KATNA1: variants seen among roughly 807,000 people sequenced by gnomAD.
The protein encoded by KATNA1 is katanin p60 ATPase-containing subunit A1.
In KATNA1, 42 loss-of-function variants were observed where a neutral mutation model predicts 62.6. That is an observed-to-expected ratio of 0.67 (90% confidence interval 0.52 to 0.87). The LOEUF (loss-of-function observed/expected upper bound fraction) is 0.87. KATNA1 is among the 40% of genes least tolerant of loss of function. The pLI, the probability that KATNA1 is intolerant of heterozygous loss-of-function variation, is 0.00. For missense variants in KATNA1, 498 were observed against 612.5 expected (o/e 0.81, Z 1.97); for synonymous variants, 186 against 201.9 (o/e 0.92, Z 0.67).
intron 1 of KATNA1, 45 bp from the exon 2 acceptor site, chr6:149,638,605 T>C (rs1448486216): frequency 7.3e-6 from 10 of 1,361,720 alleles, no homozygotes; most frequent in South Asian, 1.3e-5. Flanking sequence ...TTTACATGTC[T>C]CTTAAAAATA....
intron 7 of KATNA1, among the ~76,000 whole-genome samples, chr6:149,598,633 AT>A (rs1167544565): frequency 6.6e-6 from 1 of 151,978 alleles, no homozygotes; most frequent in Non-Finnish European, 1.5e-5. Flanking sequence ...AGGTGAGAGG[AT>A]CCCTTGAGCC....
rs147213076 is a variant in KATNA1, at chr6:149,602,883, G to A, written c.729+385C>T. 2.2e-4 allele frequency among the ~76,000 whole-genome samples: 33 copies of A among 152,030 alleles called. No individual in the cohort carries two copies. The East Asian group carries it at 6.0e-3, about 28-fold the overall frequency. ...ATTACAGGCACGCACAACCACGCCC[G>A]GCTAGTTTTGTATTTTTAGTAGAGA... On this transcript the variant is annotated intron_variant, in intron 6 of 10. Coordinates refer to ENST00000367411, the MANE Select transcript of KATNA1 (RefSeq NM_007044.4).
chr6:149,620,715 G>T (rs1239910426), intron 4 of KATNA1, among the ~76,000 whole-genome samples: 1 of 152,156 alleles, frequency 6.6e-6, no homozygotes, highest in Non-Finnish European at 1.5e-5. Context: ...TAATTACTCT[G>T]ATTTGATCAT....
At chr6:149,631,118 G>C (rs1295483250) in intron 3 of KATNA1, among the ~76,000 whole-genome samples, 1 of 152,140 alleles carries the variant, frequency 6.6e-6, no homozygotes, top group Non-Finnish European at 1.5e-5. Flanking sequence ...AATACAACCA[G>C]GCCGGGTGTG....
chr6:149,602,075 T>TA (rs761720508), intron 6 of KATNA1, among the ~76,000 whole-genome samples: 46 of 152,300 alleles, frequency 3.0e-4, no homozygotes, highest in Admixed American at 5.2e-4. Context: ...TTTAAAAATA[T>TA]AACTTATTCG....
intron 10 of KATNA1, among the ~76,000 whole-genome samples, chr6:149,596,615 C>G (rs1778323311): frequency 6.6e-6 from 1 of 151,996 alleles, no homozygotes. Flanking sequence ...GCTTTGTCGC[C>G]CAGGCTGGGG....
At chr6:149,615,251 TG>T (rs1779126921) in intron 4 of KATNA1, among the ~76,000 whole-genome samples, 1 of 150,234 alleles carries the variant, frequency 6.7e-6, no homozygotes, top group African/African-American at 2.4e-5. Context: ...TCGTCCAGGC[TG>T]GGGGTGCAAT....
intron 1 of KATNA1, among the ~76,000 whole-genome samples, 200 bp from the exon 2 acceptor site, chr6:149,638,760 G>A (rs540003694): frequency 8.5e-4 from 96 of 112,878 alleles, no homozygotes; most frequent in African/African-American, 3.1e-3. Context: ...TTTTTGAGAC[G>A]GAGTCTCGCT....
At position 149,597,508 on chromosome 6, in the gene KATNA1, T is replaced by C; in HGVS notation, c.1149A>G (p.Ser383=). The C allele has an allele frequency of 6.2e-7, 1 of 1,613,820 alleles. No individual in the cohort carries two copies. Among genetic ancestry groups the C allele is most frequent in the South Asian group, 1.1e-5 (1 of 90,958 alleles). ...CTGACAAGATTGAAAGGAAGATACCTGACGGCAAAGGAATATAGATTCGTT... is the reference window on the plus strand; with the variant it reads ...CTGACAAGATTGAAAGGAAGATACCCGACGGCAAAGGAATATAGATTCGTT... ...LEKRIYIPLP[S]AKGREELLRI... The change falls in exon 9 of 11, where the codon TCA becomes TCG. Residue 383 remains serine, a splice_region_variant and synonymous_variant. Coordinates refer to ENST00000367411, the MANE Select transcript of KATNA1 (RefSeq NM_007044.4).
At chr6:149,599,785 G>A (rs1203842063) in intron 7 of KATNA1, among the ~76,000 whole-genome samples, 6 of 151,914 alleles carry the variant, frequency 3.9e-5, no homozygotes, top group South Asian at 2.1e-4. Flanking sequence ...CCCAAAGTGC[G>A]GGGATTACAG....
At position 149,595,117 on chromosome 6, in the gene KATNA1, A is replaced by G; in HGVS notation, c.1395T>C (p.Ala465=). The G allele has an allele frequency of 6.2e-7, 1 of 1,614,120 alleles. No homozygotes were observed. Among genetic ancestry groups the G allele is most frequent in the Non-Finnish European group, 8.5e-7 (1 of 1,179,978 alleles). Reference sequence around the variant, plus strand: ...ACACTGACTTAGAAACCTTTTTTAAAGCCATCTCGAAATCCTCCATAGTTG... The same window carrying G: ...ACACTGACTTAGAAACCTTTTTTAAGGCCATCTCGAAATCCTCCATAGTTG... ...MPTTMEDFEM[A]LKKVSKSVSA... The change falls in exon 11 of 11, where the codon GCT becomes GCC. Residue 465 remains alanine (A), a synonymous_variant. Transcript: ENST00000367411.
In KATNA1 at chr6:149,599,268, T is replaced by C. The variant is rs78110786; in HGVS notation, c.889-918A>G. 6.0e-3 allele frequency among the ~76,000 whole-genome samples: 909 copies of C among 151,618 alleles called. 9 individuals are homozygous for C. The highest frequency in any genetic ancestry group is 0.021 in the African/African-American group (871 of 41,338). On this transcript the variant is annotated intron_variant, in intron 7 of 10. Transcript: ENST00000367411. The stretch of plus-strand genomic sequence containing the variant: ...GGGAAAGAGTGAACTTCATCATCAT[T>C]AAAACATCCAAGAAAATTCTCAACT...
chr6:149,604,788 T>C lies in KATNA1; in HGVS notation c.502-6A>G. 4 of 1,607,496 alleles carry C rather than the reference T, an allele frequency of 2.5e-6. No homozygotes were observed. The Admixed American group carries it at 7.0e-5, about 28-fold the overall frequency. Reference sequence around the variant, plus strand: ...ACTGCAGCAGGTGATTTGTTCTACATGAAGAGAAAAAAACAAGCGCTTTTG... The same window carrying C: ...ACTGCAGCAGGTGATTTGTTCTACACGAAGAGAAAAAAACAAGCGCTTTTG... On this transcript the variant is annotated splice_polypyrimidine_tract_variant and splice_region_variant and intron_variant, in intron 4 of 10. Transcript: ENST00000367411.
At chr6:149,618,544 A>G (rs1779270102) in intron 4 of KATNA1, among the ~76,000 whole-genome samples, 1 of 152,218 alleles carries the variant, frequency 6.6e-6, no homozygotes, top group African/African-American at 2.4e-5. Flanking sequence ...ATCCTGAGCA[A>G]AAGGAACAAA....
chr6:149,638,612 A>G (rs1780156360), intron 1 of KATNA1, 52 bp from the exon 2 acceptor site: 1 of 1,294,202 alleles, frequency 7.7e-7, no homozygotes, highest in Non-Finnish European at 1.1e-6. Context: ...GTCTCTTAAA[A>G]ATAAGTATAG....
chr6:149,637,665 A>G (rs1156563690), intron 2 of KATNA1, among the ~76,000 whole-genome samples: 1 of 152,094 alleles, frequency 6.6e-6, no homozygotes, highest in Non-Finnish European at 1.5e-5. Context: ...CGTCTCTACC[A>G]AAAATACAAA....
intron 10 of KATNA1, among the ~76,000 whole-genome samples, chr6:149,595,754 C>T (rs745608539): frequency 5.9e-5 from 9 of 151,982 alleles, no homozygotes; most frequent in Non-Finnish European, 1.2e-4. Flanking sequence ...AAAGGGATAG[C>T]AATAGAGCTG....
In KATNA1 at chr6:149,601,707, C is replaced by T. The variant is rs758597565; in HGVS notation, c.775G>A (p.Ala259Thr). 2 of 1,611,956 alleles carry T rather than the reference C, an allele frequency of 1.2e-6. No homozygotes were observed. Among genetic ancestry groups the T allele is most frequent in the South Asian group, 2.2e-5 (2 of 90,622 alleles). ...GPPGTGKTLL[A>T]KAVATECKTT... is the part of the protein sequence containing the mutation. ...TTGCATTCTGTAGCTACTGCTTTAGCAAGGAGCGTCTTCCCCGTGCCAGGT... is the reference window on the plus strand; with the variant it reads ...TTGCATTCTGTAGCTACTGCTTTAGTAAGGAGCGTCTTCCCCGTGCCAGGT... Residue 259 changes from alanine (A) to threonine (T), a missense_variant, in exon 7 of 11, where the codon GCT becomes ACT. Around this residue, in one of 3 missense-constraint regions of KATNA1, gnomAD observed 267 missense variants for 372.6 expected, o/e 0.72. Coordinates refer to ENST00000367411, the MANE Select transcript of KATNA1 (RefSeq NM_007044.4).
chr6:149,648,051 T>C (rs998391556), intron 1 of KATNA1, among the ~76,000 whole-genome samples: 9 of 152,022 alleles, frequency 5.9e-5, no homozygotes, highest in Non-Finnish European at 8.8e-5. Context: ...TCCCCAACAA[T>C]ATCACTCGAA....
Sources: gnomAD v4.1 joint callset for allele counts (sites outside exome capture counted in the v4.1 genomes callset) on GRCh38, gnomAD v4.1.1 for gene constraint, gnomAD v4.1.1 regional missense constraint, MANE v1.5 for transcripts, NCBI Gene and HGNC (gene_info 2026-07-23, HGNC 2026-07-21) for gene names.